Variants in CAPN12 observed in about 807,000 individuals in gnomAD.
The protein encoded by CAPN12 is calpain 12.
A neutral mutation model predicts 95.0 loss-of-function variants in CAPN12; 107 were observed. That is an observed-to-expected ratio of 1.13 (90% CI 0.96 to 1.32). The LOEUF (loss-of-function observed/expected upper bound fraction) is 1.32, where lower values mean the gene tolerates loss of function less well. Ranked by LOEUF, CAPN12 falls within the 40% of genes most tolerant of loss-of-function variation. The pLI is 0.00. For synonymous variants in CAPN12, 505 were observed against 415.5 expected (o/e 1.22, Z -2.62); for missense variants, 1,136 against 997.8 (o/e 1.14, Z -1.87).
Position 38,731,080 on chromosome 19 carries a change from GCCCCACCA to G in CAPN12, c.2074+19_2074+26del, listed in dbSNP as rs758273908. On this transcript the variant is annotated intron_variant, in intron 19 of 20. Coordinates refer to ENST00000328867, the MANE Select transcript of CAPN12 (RefSeq NM_144691.4). The stretch of plus-strand genomic sequence containing the variant: ...CAGTCCCCGTACCCCTTCCCCCCAT[GCCCCACCA>G]TGCCGGGGTGGTACTCACAGAAGAT... 9.1e-7 allele frequency: 1 copy of G among 1,093,296 alleles called. No homozygotes were observed. Among genetic ancestry groups the G allele is most frequent in the Non-Finnish European group, 1.3e-6 (1 of 776,894 alleles). The allele number at this position is 1,093,296 out of a possible 1,614,324, so 67.7% of individuals were successfully genotyped here. A position where few individuals can be genotyped will look rare whatever the true frequency, so the allele number is the denominator to read the frequency against.
intron 12 of CAPN12, 97 bp from the exon 13 acceptor site, chr19:38,735,641 T>TGAGGAATCGCGTGGGGTCTAGGTA (rs1300053078): frequency 8.6e-7 from 1 of 1,162,780 alleles, no homozygotes; most frequent in African/African-American, 2.1e-5. Context: ...GGGGTCTAGG[T>TGAGGAATCGCGTGGGGTCTAGGTA]AGGGACCGTG....
chr19:38,744,483 G>A, upstream of CAPN12: 1 of 443,968 alleles, frequency 2.3e-6, no homozygotes, highest in Non-Finnish European at 4.2e-6. Context: ...GTGTGGGGGT[G>A]AGCTTCTGCC....
chr19:38,742,245 A>C (rs949291608), intron 3 of CAPN12, 165 bp downstream of exon 3: 2 of 653,078 alleles, frequency 3.1e-6, no homozygotes, highest in African/African-American at 3.7e-5. Flanking sequence ...GAATTGCTTG[A>C]ACCTGGGGGC....
rs1273877850 is a variant in CAPN12 at position 38,734,106 on chromosome 19, TCTCTTTCTGGGAAGAGG to T, written c.1878+19_1878+35del. ...CTATGTCTCTGTTAGTAAAGGTTTC[TCTCTTTCTGGGAAGAGG>T]CCCAGTCTCCCACCTCACCTGCCAC... On this transcript the variant is annotated intron_variant, in intron 17 of 20. Transcript: ENST00000328867. 3 of 1,609,498 alleles carry T rather than the reference TCTCTTTCTGGGAAGAGG, an allele frequency of 1.9e-6. No homozygotes were observed. Among genetic ancestry groups the T allele is most frequent in the East Asian group, 4.5e-5 (2 of 44,842 alleles).
chr19:38,743,201 C>T (rs1263244081), intron 1 of CAPN12, 99 bp from the exon 2 acceptor site: 2 of 1,424,852 alleles, frequency 1.4e-6, no homozygotes, highest in Middle Eastern at 1.8e-4. Flanking sequence ...GGCCTGGAAG[C>T]CTGTGGGCAG....
intron 10 of CAPN12, chr19:38,736,906 A>ACCCC: frequency 1.3e-5 from 2 of 152,914 alleles, no homozygotes; most frequent in Non-Finnish European, 2.1e-5. Context: ...CTGGCCCCCC[A>ACCCC]GCCCTACTAG....
Position 38,735,412 on chromosome 19 carries a change from C to T in CAPN12, c.1644G>A (p.Leu548=), listed in dbSNP as rs1969954649. The change falls in exon 14 of 21, where the codon CTG becomes CTA. Residue 548 remains leucine (L), a synonymous_variant. Coordinates refer to ENST00000328867, the MANE Select transcript of CAPN12 (RefSeq NM_144691.4). The part of the protein sequence containing the change: ...LQSLQGPYLP[L]ELGLEQLFQE... ...GAAACAGCTGCTCCAACCCCAGCTC[C>T]AGGGGCAGGTAGGGGCCCTGCCGCA... 6.2e-7 allele frequency: 1 copy of T among 1,609,826 alleles called. No individual in the cohort carries two copies. Among genetic ancestry groups the T allele is most frequent in the Non-Finnish European group, 8.5e-7 (1 of 1,178,240 alleles).
At chr19:38,736,500 CCAGGG>C in intron 11 of CAPN12, 47 bp downstream of exon 11, 1 of 1,580,640 alleles carries the variant, frequency 6.3e-7, no homozygotes, top group Non-Finnish European at 8.6e-7. Context: ...TGACCAAGCC[CCAGGG>C]CAGGTTGACC....
chr19:38,740,117 G>C lies in CAPN12; in HGVS notation c.663C>G (p.Ser221Arg), dbSNP rs750561858. The C allele has an allele frequency of 6.2e-7, 1 of 1,613,832 alleles. No individual in the cohort carries two copies. Among genetic ancestry groups the C allele is most frequent in the Admixed American group, 1.7e-5 (1 of 59,978 alleles). ...VGEVLYLRQNSMGLFSALRHA... is the reference protein window; with the variant it reads ...VGEVLYLRQNRMGLFSALRHA... ...GGCGCAGGGCAGAGAACAGCCCCAT[G>C]CTGTTTTGTCTCAGATAGAGCACCT... The change falls in exon 5 of 21, where the codon AGC becomes AGG. Residue 221 changes from serine to arginine, a missense_variant. Transcript: ENST00000328867.
intron 10 of CAPN12, 76 bp downstream of exon 10, chr19:38,737,080 T>TTCCCC: frequency 3.8e-5 from 7 of 185,430 alleles, no homozygotes; most frequent in Admixed American, 3.0e-4. Context: ...CCTCCATGCC[T>TTCCCC]CCCCCGCTCC....
chr19:38,731,255 C>A (rs1969580583), intron 18 of CAPN12, 32 bp from the exon 19 acceptor site: 1 of 1,565,084 alleles, frequency 6.4e-7, no homozygotes, highest in Non-Finnish European at 8.8e-7. Flanking sequence ...GCCCAGTGGC[C>A]CACAGGGAAC....
Position 38,731,219 on chromosome 19 carries a change from G to A in CAPN12, c.1962C>T (p.Phe654=), listed in dbSNP as rs1029981285. 2 of 1,612,256 alleles carry A rather than the reference G, an allele frequency of 1.2e-6. No homozygotes were observed. The highest frequency in any genetic ancestry group is 1.7e-6 in the Non-Finnish European group (2 of 1,179,840). Residue 654 remains phenylalanine, a synonymous_variant, in exon 19 of 21, where the codon TTC becomes TTT. Transcript: ENST00000328867. Reference sequence around the variant, plus strand: ...TCTGGGTCAGCTGGTTGTTCAGGTGGAAGCCTAGGGGGAGGCTGCTTCTGA... The same window carrying A: ...TCTGGGTCAGCTGGTTGTTCAGGTGAAAGCCTAGGGGGAGGCTGCTTCTGA... ...ELRLALNAAG[F]HLNNQLTQTL...
chr19:38,735,336 C>T (rs1325750566), intron 14 of CAPN12, 34 bp downstream of exon 14: 3 of 1,516,244 alleles, frequency 2.0e-6, no homozygotes, highest in East Asian at 2.3e-5. Context: ...GAGGCCGCAG[C>T]GGGATACCCC....
At chr19:38,736,023 CG>C (rs1970104462) in intron 12 of CAPN12, 86 bp downstream of exon 12, 2 of 138,968 alleles carry the variant, frequency 1.4e-5, no homozygotes, top group Non-Finnish European at 2.4e-5. Context: ...TCGGGGGTCT[CG>C]GGGGTCTCGG....
chr19:38,738,822 G>A, intron 5 of CAPN12, 174 bp from the exon 6 acceptor site: 1 of 621,350 alleles, frequency 1.6e-6, no homozygotes, highest in Non-Finnish European at 2.9e-6. Flanking sequence ...GAAAAGGAGA[G>A]GAAGGGAGAT....
intron 2 of CAPN12, 55 bp downstream of exon 2, chr19:38,742,978 G>A: frequency 4.5e-6 from 7 of 1,554,188 alleles, no homozygotes; most frequent in Non-Finnish European, 6.2e-6. Context: ...GAGCTGTCAG[G>A]ATCTCAGCTG....
intron 11 of CAPN12, 37 bp from the exon 12 acceptor site, chr19:38,736,355 C>CCCCCGGCCCTTCAT (rs1374634304): frequency 8.9e-6 from 13 of 1,464,836 alleles, no homozygotes; most frequent in South Asian, 5.6e-5. Context: ...ACCAGGCTCA[C>CCCCCGGCCCTTCAT]CCCCGGCCCT....
intron 8 of CAPN12, 52 bp downstream of exon 8, chr19:38,738,221 C>G: frequency 6.6e-7 from 1 of 1,524,464 alleles, no homozygotes; most frequent in Non-Finnish European, 8.9e-7. Context: ...CCTCCCTGAA[C>G]CCCTTGGCAG....
chr19:38,740,425 G>A (rs1034603907), intron 4 of CAPN12, among the ~76,000 whole-genome samples: 1 of 152,010 alleles, frequency 6.6e-6, no homozygotes, highest in Non-Finnish European at 1.5e-5. Flanking sequence ...CAAACTCCCG[G>A]GTTCAAGCGA....
Sources: allele counts gnomAD v4.1 joint callset (sites outside exome capture counted in the v4.1 genomes callset), GRCh38; gene constraint gnomAD v4.1.1; transcripts MANE v1.5; gene names NCBI Gene and HGNC (gene_info 2026-07-23, HGNC 2026-07-21).